The following COLEC11 variants were observed in gnomAD, a reference collection of about 807,000 sequenced individuals.
COLEC11 encodes collectin subfamily member 11.
In COLEC11, 20 loss-of-function variants were observed where a neutral mutation model predicts 27.3. That is an observed-to-expected ratio of 0.73 (90% CI 0.51 to 1.06). The LOEUF is 1.06. Ranked by LOEUF, COLEC11 falls within the 50% of genes least tolerant of loss-of-function variation. The pLI, the probability that COLEC11 is intolerant of heterozygous loss-of-function variation, is 0.00. For missense variants in COLEC11, 310 were observed against 383.0 expected (o/e 0.81, Z 1.59); for synonymous variants, 163 against 154.7 (o/e 1.05, Z -0.40).
At chr2:3,619,315 C>G (rs569435851) in intron 3 of COLEC11, among the ~76,000 whole-genome samples, 2 of 151,980 alleles carry the variant, frequency 1.3e-5, no homozygotes, top group Admixed American at 6.6e-5. Context: ...ATATTGAATA[C>G]AAGAGGCGAG....
At chr2:3,614,436 G>GT (rs1385768794) in intron 3 of COLEC11, among the ~76,000 whole-genome samples, 1 of 151,986 alleles carries the variant, frequency 6.6e-6, no homozygotes, top group East Asian at 1.9e-4. Flanking sequence ...CGTTTTTGAG[G>GT]TATAATTTAT....
chr2:3,604,090 T>A, intron 1 of COLEC11: 1 of 604,486 alleles, frequency 1.7e-6, no homozygotes, highest in Non-Finnish European at 2.9e-6. Context: ...TGACCAGGGC[T>A]GGCATGCACT....
chr2:3,621,021 A>G (rs1664146883), intron 3 of COLEC11, among the ~76,000 whole-genome samples: 1 of 152,156 alleles, frequency 6.6e-6, no homozygotes, highest in Non-Finnish European at 1.5e-5. Flanking sequence ...GTTGGATGGA[A>G]TGTTCTCTGT....
chr2:3,620,482 T>G (rs1664107997), intron 3 of COLEC11, among the ~76,000 whole-genome samples: 3 of 152,116 alleles, frequency 2.0e-5, no homozygotes, highest in Non-Finnish European at 4.4e-5. Context: ...TTTTTTTGCC[T>G]TTTCAAAAAG....
chr2:3,643,381 C>T (rs1364055118), intron 5 of COLEC11, 63 bp from the exon 6 acceptor site: 7 of 1,376,920 alleles, frequency 5.1e-6, no homozygotes, highest in Non-Finnish European at 6.2e-6. Flanking sequence ...GAGGGGTCCT[C>T]GCCTCTCTTC....
chr2:3,601,569 C>T (rs750587511), intron 1 of COLEC11, among the ~76,000 whole-genome samples: 16 of 152,348 alleles, frequency 1.1e-4, no homozygotes, highest in Non-Finnish European at 2.1e-4. Context: ...GCTGGGATTA[C>T]AGGCGTGAGC....
intron 5 of COLEC11, among the ~76,000 whole-genome samples, chr2:3,642,091 C>T (rs1005783164): frequency 3.9e-5 from 6 of 152,188 alleles, no homozygotes; most frequent in East Asian, 1.9e-4. Context: ...ACTGGGAGGG[C>T]GGAGTGTAGC....
intron 2 of COLEC11, among the ~76,000 whole-genome samples, 167 bp from the exon 3 acceptor site, chr2:3,613,144 C>T (rs1330975020): frequency 6.9e-6 from 1 of 145,598 alleles, no homozygotes; most frequent in Non-Finnish European, 1.5e-5. Flanking sequence ...TCAGGGGCAC[C>T]CAGAGTAGCG....
At chr2:3,627,489 G>A (rs567917409) in intron 3 of COLEC11, among the ~76,000 whole-genome samples, 1 of 151,274 alleles carries the variant, frequency 6.6e-6, no homozygotes, top group South Asian at 2.1e-4. Flanking sequence ...CGATGAGCAC[G>A]ACGATGGGGT....
In COLEC11 at chr2:3,613,367, C is replaced by A. The variant is rs1439911717; in HGVS notation, c.187C>A (p.Pro63Thr). Residue 63 changes from proline (P) to threonine (T), a missense_variant, in exon 3 of 7, where the codon CCC becomes ACC. Pro to Thr is a conservative substitution (Grantham distance 38, BLOSUM62 -1). Coordinates refer to ENST00000349077, the MANE Select transcript of COLEC11 (RefSeq NM_024027.5). ...CCCCGGACGGCCTGGAAGAGTCGGCCCCACGGGAGAAAAAGGTACCTGCAG... is the reference window on the plus strand; with the variant it reads ...CCCCGGACGGCCTGGAAGAGTCGGCACCACGGGAGAAAAAGGTACCTGCAG... ...GAPGRPGRVG[P>T]TGEKGDMGDK... 1 of 1,602,678 alleles carries A rather than the reference C, an allele frequency of 6.2e-7. No individual in the cohort carries two copies. Among genetic ancestry groups the A allele is most frequent in the Middle Eastern group, 1.7e-4 (1 of 6,044 alleles).
chr2:3,628,409 G>A lies in COLEC11; in HGVS notation c.203-9124G>A, dbSNP rs557492013. Reference sequence around the variant, plus strand: ...AATGCAGCTGCTGGCCCAGGAGGGCGGCCTGAGACCCTGCACTGGTCTTAA... The same window carrying A: ...AATGCAGCTGCTGGCCCAGGAGGGCAGCCTGAGACCCTGCACTGGTCTTAA... On this transcript the variant is annotated intron_variant, in intron 3 of 6. Coordinates refer to ENST00000349077, the MANE Select transcript of COLEC11 (RefSeq NM_024027.5). 6.6e-5 allele frequency among the ~76,000 whole-genome samples: 10 copies of A among 152,354 alleles called. No individual in the cohort carries two copies. The South Asian group carries it at 1.7e-3, about 25-fold the overall frequency.
chr2:3,615,870 C>A (rs1304882130), intron 3 of COLEC11, among the ~76,000 whole-genome samples: 4 of 133,760 alleles, frequency 3.0e-5, no homozygotes, highest in African/African-American at 1.3e-4. Context: ...CCACCTCCCT[C>A]CCGGACGCGG....
At position 3,607,449 on chromosome 2, in the gene COLEC11, C is replaced by CTTTTTTTTTTTT. The variant is rs377560723; in HGVS notation, c.130+2983_130+2994dup. ...CTTTATCAAATGAATTTTTTTTTTG[C>CTTTTTTTTTTTT]TTTTTTTTTTTTTTTGAGATGGAGT... On this transcript the variant is annotated intron_variant, in intron 2 of 6. Coordinates refer to ENST00000349077, the MANE Select transcript of COLEC11 (RefSeq NM_024027.5). 6.2e-4 allele frequency among the ~76,000 whole-genome samples: 68 copies of CTTTTTTTTTTTT among 109,168 alleles called. 3 individuals carry two copies. Among genetic ancestry groups the CTTTTTTTTTTTT allele is most frequent in the Non-Finnish European group, 7.0e-4 (39 of 55,872 alleles). The allele number at this position is 109,168 out of a possible 152,430, so 71.6% of individuals were successfully genotyped here. A position where few individuals can be genotyped will look rare whatever the true frequency, so the allele number is the denominator to read the frequency against.
intron 1 of COLEC11, among the ~76,000 whole-genome samples, chr2:3,597,241 G>A (rs1239921374): frequency 1.3e-5 from 2 of 152,012 alleles, no homozygotes; most frequent in African/African-American, 2.4e-5. Flanking sequence ...ATGGAGTGAA[G>A]GCACGAGAAA....
At chr2:3,643,375 G>A in intron 5 of COLEC11, 69 bp from the exon 6 acceptor site, 1 of 1,293,604 alleles carries the variant, frequency 7.7e-7, no homozygotes, top group Non-Finnish European at 1.1e-6. Flanking sequence ...TCCGGGGAGG[G>A]GTCCTCGCCT....
rs761633168 is a variant in COLEC11 at position 3,644,010 on chromosome 2, C to T, written c.708C>T (p.Ala236=). 8.1e-6 allele frequency: 13 copies of T among 1,614,072 alleles called. No homozygotes were observed. The highest frequency in any genetic ancestry group is 1.1e-5 in the Non-Finnish European group (13 of 1,180,054). ...GGCGCAGCGGTGAGCCCAACAATGC[C>T]TACGACGAGGAGGACTGCGTGGAGA... ...NKWRSGEPNN[A]YDEEDCVEMV... The change falls in exon 7 of 7, where the codon GCC becomes GCT. Residue 236 remains alanine, a synonymous_variant. Transcript: ENST00000349077.
chr2:3,627,903 G>A (rs1344851925), intron 3 of COLEC11, among the ~76,000 whole-genome samples: 1 of 152,222 alleles, frequency 6.6e-6, no homozygotes, highest in East Asian at 1.9e-4. Flanking sequence ...CTGAAGGGGA[G>A]GAGCATCCCT....
intron 2 of COLEC11, among the ~76,000 whole-genome samples, chr2:3,612,013 T>G (rs1474627424): frequency 6.6e-6 from 1 of 150,694 alleles, no homozygotes; most frequent in Non-Finnish European, 1.5e-5. Context: ...TTTGTATATT[T>G]TATCATACTG....
chr2:3,602,826 C>T lies in COLEC11; in HGVS notation c.-26-1489C>T, dbSNP rs964778520. 2.6e-5 allele frequency among the ~76,000 whole-genome samples: 4 copies of T among 152,196 alleles called. No homozygotes were observed. Among genetic ancestry groups the T allele is most frequent in the Non-Finnish European group, 4.4e-5 (3 of 68,042 alleles). On this transcript the variant is annotated intron_variant, in intron 1 of 6. Transcript: ENST00000349077. The surrounding 1 kb of genome is among the most constrained non-coding windows in gnomAD (Gnocchi z 6.2). Reference sequence around the variant, plus strand: ...TGAGCCGCCCTCACCCACCTGTCAGCGAGGCTTCCCTGGCAACCATCCTGA... The same window carrying T: ...TGAGCCGCCCTCACCCACCTGTCAGTGAGGCTTCCCTGGCAACCATCCTGA...
Sources: gnomAD v4.1 joint callset for allele counts (sites outside exome capture counted in the v4.1 genomes callset) on GRCh38, gnomAD v4.1.1 for gene constraint, Gnocchi (gnomAD v3.1) non-coding constraint, MANE v1.5 for transcripts, NCBI Gene and HGNC (gene_info 2026-07-23, HGNC 2026-07-21) for gene names.